Variants in ZNF461 observed in about 807,000 individuals in gnomAD.
The protein encoded by ZNF461 is zinc finger protein 461.
Under a neutral mutation model 18.3 loss-of-function variants are expected in ZNF461, and 16 were observed. The ratio of observed to expected loss-of-function variants is 0.88; its 90% confidence interval spans 0.59 to 1.33. The LOEUF (loss-of-function observed/expected upper bound fraction) is 1.33. ZNF461 is among the 40% of genes most tolerant of loss of function. The pLI is 0.00. For missense variants in ZNF461, 595 were observed against 669.9 expected, an observed-to-expected ratio of 0.89 and a Z score of 1.23; for synonymous variants, 179 against 216.9, an observed-to-expected ratio of 0.83 and a Z score of 1.54.
Position 36,639,891 on chromosome 19 carries a change from C to T in ZNF461, c.454G>A (p.Glu152Lys), listed in dbSNP as rs1244345762. The T allele has an allele frequency of 6.2e-7, 1 of 1,613,878 alleles. No individual in the cohort carries two copies. The highest frequency in any genetic ancestry group is 1.3e-5 in the African/African-American group (1 of 75,026). The change falls in exon 6 of 6, where the codon GAG becomes AAG. Residue 152 changes from glutamate (E) to lysine (K), a missense_variant. Physicochemically the swap from Glu to Lys is moderately conservative, Grantham distance 56. Transcript: ENST00000588268. The stretch of plus-strand genomic sequence containing the variant: ...CCCTCCTCTTGTCCCTGATGTTGCT[C>T]AAAATGACAGTTGCCTTCCCAGATA... ...SAIWEGNCHF[E>K]QHQGQEEGYF... is the part of the protein sequence containing the mutation.
chr19:36,665,438 C>T (rs978363267), intron 1 of ZNF461, among the ~76,000 whole-genome samples: 5 of 152,250 alleles, frequency 3.3e-5, no homozygotes, highest in Non-Finnish European at 5.9e-5. Context: ...AGGCCGGGCG[C>T]GGTGGCTCAC....
chr19:36,660,012 C>T (rs1428446938), intron 2 of ZNF461, among the ~76,000 whole-genome samples: 2 of 152,112 alleles, frequency 1.3e-5, no homozygotes, highest in South Asian at 2.1e-4. Context: ...AGATTTCCCA[C>T]GTGTGATTTA....
chr19:36,657,118 C>G (rs1332674477), intron 3 of ZNF461, among the ~76,000 whole-genome samples: 2 of 151,790 alleles, frequency 1.3e-5, no homozygotes, highest in Non-Finnish European at 2.9e-5. Flanking sequence ...CAGCACCCAG[C>G]CTCCTTTTTT....
In ZNF461 at chr19:36,638,379, TGTTTCAGTGAAATATTTCACTG is replaced by T. The variant is rs771019934; in HGVS notation, c.*252_*273del. The T allele has an allele frequency of 1.1e-4, 30 of 270,776 alleles. No homozygotes were observed. Among genetic ancestry groups the T allele is most frequent in the Middle Eastern group, 1.2e-3 (1 of 834 alleles). 16.8% of individuals were successfully genotyped at this position (270,776 alleles called of 1,614,324 possible). A position where few individuals can be genotyped will look rare whatever the true frequency, so the allele number is the denominator to read the frequency against. On this transcript the variant is annotated 3_prime_UTR_variant, in exon 6 of 6. Coordinates refer to ENST00000588268, the MANE Select transcript of ZNF461 (RefSeq NM_153257.5). Reference sequence around the variant, plus strand: ...GGAAATTGTTTTCATTTTATTTCACTGTTTCAGTGAAATATTTCACTGGTTTCAGTGAAACATGTAATTTTAG... The same window carrying T: ...GGAAATTGTTTTCATTTTATTTCACTGTTTCAGTGAAACATGTAATTTTAG...
chr19:36,647,890 A>G (rs920520869), intron 4 of ZNF461, among the ~76,000 whole-genome samples: 1 of 151,796 alleles, frequency 6.6e-6, no homozygotes, highest in African/African-American at 2.4e-5. Flanking sequence ...CTGGTCCTTG[A>G]AAGTGTGTGG....
At position 36,639,504 on chromosome 19, in the gene ZNF461, C is replaced by A. The variant is rs374655079; in HGVS notation, c.841G>T (p.Ala281Ser). 1 of 1,613,710 alleles carries A rather than the reference C, an allele frequency of 6.2e-7. No individual in the cohort carries two copies. The highest frequency in any genetic ancestry group is 1.3e-5 in the African/African-American group (1 of 75,042). ...KRYECNECGK[A>S]FNYGSELTLH... ...GTAAGTTCTGAGCCATAATTAAAGG[C>A]CTTCCCACATTCGTTACATTCATAG... is the stretch of plus-strand genomic sequence containing the variant. Residue 281 changes from alanine to serine, a missense_variant, in exon 6 of 6, where the codon GCC becomes TCC. Ala to Ser is a moderately conservative substitution (Grantham distance 99, BLOSUM62 1). Transcript: ENST00000588268.
At position 36,638,989 on chromosome 19, in the gene ZNF461, C is replaced by G; in HGVS notation, c.1356G>C (p.Gln452His). Residue 452 changes from glutamine (Q) to histidine (H), a missense_variant, in exon 6 of 6, where the codon CAG (glutamine) becomes CAC (histidine). Physicochemically the swap from Gln to His is conservative, Grantham distance 24. Coordinates refer to ENST00000588268, the MANE Select transcript of ZNF461 (RefSeq NM_153257.5). ...TCTGATGTCTTTTGAGGTGTGAACA[C>G]TGTCTAAAAGTCTTCCCACATTCCT... ...ECKECGKTFRQCSHLKRHQRI... is the reference protein window; with the variant it reads ...ECKECGKTFRHCSHLKRHQRI... 1.2e-6 allele frequency: 2 copies of G among 1,613,534 alleles called. No homozygotes were observed. Among genetic ancestry groups the G allele is most frequent in the Non-Finnish European group, 1.7e-6 (2 of 1,179,882 alleles).
chr19:36,655,962 T>C (rs958544313), intron 4 of ZNF461, among the ~76,000 whole-genome samples: 1 of 152,176 alleles, frequency 6.6e-6, no homozygotes, highest in Non-Finnish European at 1.5e-5. Flanking sequence ...CAAGGGTTTA[T>C]TTCTGGGCTT....
chr19:36,662,348 C>A (rs1339058127), intron 2 of ZNF461, among the ~76,000 whole-genome samples: 4 of 152,044 alleles, frequency 2.6e-5, no homozygotes, highest in African/African-American at 9.7e-5. Flanking sequence ...ATCCTCCCCG[C>A]CGGGTTCAAG....
At chr19:36,646,433 A>G (rs1206106420) in intron 4 of ZNF461, among the ~76,000 whole-genome samples, 1 of 152,180 alleles carries the variant, frequency 6.6e-6, no homozygotes, top group Non-Finnish European at 1.5e-5. Flanking sequence ...CACCTGGTCA[A>G]AATTAGACTT....
rs529657693 is a variant in ZNF461, at chr19:36,655,546, CTGAGT to C, written c.232+897_232+901del. Among the ~76,000 whole-genome samples the C allele has an allele frequency of 9.5e-4, 144 of 152,276 alleles. 2 individuals are homozygous for C. The highest frequency in any genetic ancestry group is 1.7e-3 in the Non-Finnish European group (118 of 68,034). On this transcript the variant is annotated intron_variant, in intron 4 of 5. Coordinates refer to ENST00000588268, the MANE Select transcript of ZNF461 (RefSeq NM_153257.5). ...CCAGGGAGGCAGAGGTTGCAGTGAG[CTGAGT>C]TTGCACCACTGTACTCCATCCAGCC...
At chr19:36,660,700 T>C (rs3108195) in intron 2 of ZNF461, among the ~76,000 whole-genome samples, 1 of 144,042 alleles carries the variant, frequency 6.9e-6, no homozygotes, top group African/African-American at 2.5e-5. Context: ...GTTGATTTTT[T>C]TAAAAAAAAA....
chr19:36,664,873 C>A, intron 1 of ZNF461, 87 bp from the exon 2 acceptor site: 1 of 463,290 alleles, frequency 2.2e-6, no homozygotes. Context: ...TTTTTCTTCC[C>A]CCTTCATATC....
intron 4 of ZNF461, among the ~76,000 whole-genome samples, chr19:36,648,045 G>A (rs954030136): frequency 6.6e-5 from 10 of 152,098 alleles, no homozygotes; most frequent in Non-Finnish European, 1.3e-4. Flanking sequence ...GCTGGGTGTG[G>A]TGGCAGGCAC....
chr19:36,659,806 T>G (rs1160538341), intron 2 of ZNF461, among the ~76,000 whole-genome samples: 1 of 152,210 alleles, frequency 6.6e-6, no homozygotes, highest in Non-Finnish European at 1.5e-5. Context: ...TAACATATGC[T>G]GTTCAATCTA....
rs1026387755 is a variant in ZNF461, at chr19:36,637,743, A to T, written c.*910T>A. On this transcript the variant is annotated 3_prime_UTR_variant, in exon 6 of 6. Transcript: ENST00000588268. ...TAATAATGAGAATGTGTAATAAATC[A>T]CATATTATGAATAACCTACTTTTGT... is the stretch of plus-strand genomic sequence containing the variant. The T allele has an allele frequency of 7.9e-6, 3 of 380,084 alleles. No homozygotes were observed. Among genetic ancestry groups the T allele is most frequent in the African/African-American group, 6.5e-5 (3 of 45,992 alleles). 23.5% of individuals were successfully genotyped at this position (380,084 alleles called of 1,614,324 possible).
chr19:36,638,980 G>A lies in ZNF461; in HGVS notation c.1365C>T (p.His455=). Residue 455 remains histidine (H), a synonymous_variant, in exon 6 of 6, where the codon CAC becomes CAT. Transcript: ENST00000588268. ...ECGKTFRQCS[H]LKRHQRIHTG... Reference sequence around the variant, plus strand: ...TATGAATTCTCTGATGTCTTTTGAGGTGTGAACACTGTCTAAAAGTCTTCC... The same window carrying A: ...TATGAATTCTCTGATGTCTTTTGAGATGTGAACACTGTCTAAAAGTCTTCC... 1 of 1,613,480 alleles carries A rather than the reference G, an allele frequency of 6.2e-7. No individual in the cohort carries two copies. The highest frequency in any genetic ancestry group is 8.5e-7 in the Non-Finnish European group (1 of 1,179,876).
chr19:36,646,275 C>A (rs565260468), intron 4 of ZNF461, among the ~76,000 whole-genome samples: 1 of 152,062 alleles, frequency 6.6e-6, no homozygotes, highest in Non-Finnish European at 1.5e-5. Context: ...GGATTACAGG[C>A]GTGTGCCACC....
rs533479755 is a variant in ZNF461 at position 36,664,345 on chromosome 19, C to T, written c.9+353G>A. 6.6e-5 allele frequency among the ~76,000 whole-genome samples: 10 copies of T among 152,172 alleles called. No individual in the cohort carries two copies. In the East Asian group the frequency reaches 1.6e-3, roughly 24 times the overall value. On this transcript the variant is annotated intron_variant, in intron 2 of 5. Coordinates refer to ENST00000588268, the MANE Select transcript of ZNF461 (RefSeq NM_153257.5). ...GCTCATGCCTGTAATCCCAGCACTTCGGGAAGCTCAGATGGGCAGATCACT... is the reference window on the plus strand; with the variant it reads ...GCTCATGCCTGTAATCCCAGCACTTTGGGAAGCTCAGATGGGCAGATCACT...
Sources: gnomAD v4.1 joint callset for allele counts (sites outside exome capture counted in the v4.1 genomes callset) on GRCh38, gnomAD v4.1.1 for gene constraint, MANE v1.5 for transcripts, NCBI Gene and HGNC (gene_info 2026-07-23, HGNC 2026-07-21) for gene names.